The following HDAC4 variants were observed in gnomAD, a reference collection of about 807,000 sequenced individuals.
The protein encoded by HDAC4 is histone deacetylase 4, also known as histone deacetylase A.
In HDAC4, 16 loss-of-function variants were observed where a neutral mutation model predicts 135.1. The observed-to-expected ratio is 0.12, with a 90% CI of 0.08 to 0.18. HDAC4 has a LOEUF of 0.18. Among genes scored for constraint, HDAC4 ranks in the 10% least tolerant of loss-of-function variants. The pLI is 1.00. For synonymous variants in HDAC4, 685 were observed against 653.4 expected, an observed-to-expected ratio of 1.05 and a Z score of -0.74; for missense variants, 1,143 against 1,511.8, an observed-to-expected ratio of 0.76 and a Z score of 4.05.
In HDAC4 at chr2:239,048,665, C is replaced by A. The variant is rs2030347367; in HGVS notation, c.*4432G>T. On this transcript the variant is annotated 3_prime_UTR_variant, in exon 27 of 27. Coordinates refer to ENST00000543185, the MANE Select transcript of HDAC4 (RefSeq NM_001378414.1). ...TATGGAGCACACACGGCAAAAAAAA[C>A]AAACAAAAACTGTTCGCTTTCTTTT... 1 of 152,098 alleles carries A rather than the reference C, an allele frequency of 6.6e-6. No homozygotes were observed. Among genetic ancestry groups the A allele is most frequent in the Non-Finnish European group, 1.5e-5 (1 of 68,010 alleles). The allele number at this position is 152,098 out of a possible 1,614,324, so 9.4% of individuals were successfully genotyped here. A position where few individuals can be genotyped will look rare whatever the true frequency, so the allele number is the denominator to read the frequency against.
intron 1 of HDAC4, among the ~76,000 whole-genome samples, chr2:239,394,603 T>C (rs1256505662): frequency 6.6e-6 from 1 of 152,174 alleles, no homozygotes; most frequent in African/African-American, 2.4e-5. Flanking sequence ...ATTTATGACA[T>C]CTCCTTAGGA....
chr2:239,284,513 G>A (rs1181328401), intron 2 of HDAC4, among the ~76,000 whole-genome samples: 1 of 152,208 alleles, frequency 6.6e-6, no homozygotes, highest in Non-Finnish European at 1.5e-5. Flanking sequence ...GACCCTGAGA[G>A]CAGCTTCCAC....
intron 7 of HDAC4, among the ~76,000 whole-genome samples, chr2:239,149,457 AAC>A (rs2041972097): frequency 6.6e-6 from 1 of 152,192 alleles, no homozygotes; most frequent in Admixed American, 6.5e-5. Context: ...AATACATGAA[AAC>A]ACAGCATTGC....
chr2:239,214,845 G>A (rs2046539491), intron 3 of HDAC4, among the ~76,000 whole-genome samples: 1 of 152,252 alleles, frequency 6.6e-6, no homozygotes, highest in African/African-American at 2.4e-5. Context: ...GGCCATGCAT[G>A]GGACTGGAGA....
At chr2:239,220,139 G>A (rs536834010) in intron 3 of HDAC4, among the ~76,000 whole-genome samples, 40 of 152,268 alleles carry the variant, frequency 2.6e-4, no homozygotes, top group African/African-American at 9.4e-4. Flanking sequence ...CTAAACACTG[G>A]AACACACTGC....
intron 4 of HDAC4, among the ~76,000 whole-genome samples, chr2:239,186,285 C>G (rs775716916): frequency 6.6e-6 from 1 of 152,170 alleles, no homozygotes; most frequent in Non-Finnish European, 1.5e-5. Flanking sequence ...TTATAAAACT[C>G]TATTCAAATT....
intron 2 of HDAC4, among the ~76,000 whole-genome samples, chr2:239,348,192 C>G (rs1188425461): frequency 2.1e-5 from 3 of 145,194 alleles, no homozygotes; most frequent in African/African-American, 7.7e-5. Flanking sequence ...CACCATCCCG[C>G]TGACCACAGA....
Position 239,084,465 on chromosome 2 carries a change from GCACACA to G in HDAC4, c.2445-229_2445-224del, listed in dbSNP as rs78087978. On this transcript the variant is annotated intron_variant, in intron 19 of 26. Transcript: ENST00000543185. ...CAGACACACTCACACGCGTGCGCGC[GCACACA>G]CACACACACACACACACAGCTCCCA... is the stretch of plus-strand genomic sequence containing the variant. 8.3e-5 allele frequency among the ~76,000 whole-genome samples: 9 copies of G among 108,026 alleles called. No homozygotes were observed. The South Asian group carries it at 2.0e-3, about 24-fold the overall frequency. The allele number at this position is 108,026 out of a possible 152,430, so 70.9% of individuals were successfully genotyped here. A position where few individuals can be genotyped will look rare whatever the true frequency, so the allele number is the denominator to read the frequency against.
chr2:239,051,350 C>A lies in HDAC4; in HGVS notation c.*1747G>T, dbSNP rs1484915886. 1 of 152,098 alleles carries A rather than the reference C, an allele frequency of 6.6e-6. No homozygotes were observed. Among genetic ancestry groups the A allele is most frequent in the Non-Finnish European group, 1.5e-5 (1 of 68,018 alleles). The allele number at this position is 152,098 out of a possible 1,614,324, so 9.4% of individuals were successfully genotyped here. A position where few individuals can be genotyped will look rare whatever the true frequency, so the allele number is the denominator to read the frequency against. ...TTCTGAAAATAGAATCTGACAGCAA[C>A]AATTCTGTACGCTGCAGAAAACTCA... On this transcript the variant is annotated 3_prime_UTR_variant, in exon 27 of 27. Coordinates refer to ENST00000543185, the MANE Select transcript of HDAC4 (RefSeq NM_001378414.1).
At chr2:239,396,967 T>G (rs935608057) in intron 1 of HDAC4, among the ~76,000 whole-genome samples, 1 of 152,224 alleles carries the variant, frequency 6.6e-6, no homozygotes, top group African/African-American at 2.4e-5. Flanking sequence ...AAGAACATGA[T>G]GTCTTCTAGT....
intron 1 of HDAC4, among the ~76,000 whole-genome samples, chr2:239,381,447 A>G (rs1465262873): frequency 6.6e-6 from 1 of 152,218 alleles, no homozygotes; most frequent in African/African-American, 2.4e-5. Flanking sequence ...CGAAAAGGAG[A>G]GGAGAAAGGT....
At chr2:239,397,548 G>C (rs1696647613) in intron 1 of HDAC4, among the ~76,000 whole-genome samples, 1 of 152,158 alleles carries the variant, frequency 6.6e-6, no homozygotes, top group Non-Finnish European at 1.5e-5. Context: ...GCCACAGCAA[G>C]GGGACATGTA....
rs115889836 is a variant in HDAC4, at chr2:239,195,379, G to A, written c.95-5302C>T. 6.1e-3 allele frequency among the ~76,000 whole-genome samples: 922 copies of A among 152,306 alleles called. 5 individuals are homozygous for A. The highest frequency in any genetic ancestry group is 0.014 in the Middle Eastern group (4 of 294). ...TTGGATTCAATAACACAAATGGAGCGTTCACAGGGCAAGGAGACCCACCCC... is the reference window on the plus strand; with the variant it reads ...TTGGATTCAATAACACAAATGGAGCATTCACAGGGCAAGGAGACCCACCCC... On this transcript the variant is annotated intron_variant, in intron 3 of 26. Transcript: ENST00000543185.
At position 239,157,461 on chromosome 2, in the gene HDAC4, C is replaced by T. The variant is rs145610700; in HGVS notation, c.612-688G>A. Among the ~76,000 whole-genome samples, 5 of 152,324 alleles carry T rather than the reference C, an allele frequency of 3.3e-5. No homozygotes were observed. The East Asian group carries it at 9.7e-4, about 29-fold the overall frequency. On this transcript the variant is annotated intron_variant, in intron 6 of 26. Coordinates refer to ENST00000543185, the MANE Select transcript of HDAC4 (RefSeq NM_001378414.1). ...TGGGTACAACTCCACACCCTCCAGG[C>T]AGCAAGACAGGAATCGTCTGCCAGG... is the stretch of plus-strand genomic sequence containing the variant.
chr2:239,220,469 G>A (rs536503212), intron 3 of HDAC4, among the ~76,000 whole-genome samples: 15 of 152,284 alleles, frequency 9.9e-5, no homozygotes, highest in African/African-American at 3.1e-4. Flanking sequence ...AAAGAAATCT[G>A]ACAGATTGCG....
rs1323423738 is a variant in HDAC4, at chr2:239,052,727, ATTTG to A, written c.*366_*369del. 8 of 310,706 alleles carry A rather than the reference ATTTG, an allele frequency of 2.6e-5. No individual in the cohort carries two copies. Among genetic ancestry groups the A allele is most frequent in the Non-Finnish European group, 4.3e-5 (7 of 163,500 alleles). 19.2% of individuals were successfully genotyped at this position (310,706 alleles called of 1,614,324 possible). A position where few individuals can be genotyped will look rare whatever the true frequency, so the allele number is the denominator to read the frequency against. On this transcript the variant is annotated 3_prime_UTR_variant, in exon 27 of 27. Coordinates refer to ENST00000543185, the MANE Select transcript of HDAC4 (RefSeq NM_001378414.1). ...TGTTTTGTATTATTAGATCTTTGAT[ATTTG>A]TTTTCTGTGCCTCGTGTCAACTGAA... is the stretch of plus-strand genomic sequence containing the variant.
chr2:239,200,870 C>T (rs1379661869), intron 3 of HDAC4, among the ~76,000 whole-genome samples: 1 of 152,080 alleles, frequency 6.6e-6, no homozygotes, highest in Non-Finnish European at 1.5e-5. Context: ...CTGGATGGCA[C>T]TGCGCTTTAG....
At chr2:239,375,777 C>A (rs1694962401) in intron 1 of HDAC4, among the ~76,000 whole-genome samples, 1 of 152,186 alleles carries the variant, frequency 6.6e-6, no homozygotes, top group Non-Finnish European at 1.5e-5. Flanking sequence ...TCCTCCATGG[C>A]CCCCCAGGGG....
In HDAC4 at chr2:239,240,703, G is replaced by A. The variant is rs1218988097; in HGVS notation, c.23-4039C>T. ...GATGCACACTGAGAGGGAGGCCGAG[G>A]AGCACGGGTACCTCGTGTCCTCACC... On this transcript the variant is annotated intron_variant, in intron 2 of 26. Coordinates refer to ENST00000543185, the MANE Select transcript of HDAC4 (RefSeq NM_001378414.1). This position sits in a 1 kb window ranked among gnomAD's most constrained non-coding sequence, Gnocchi z 4.5. 1.3e-5 allele frequency among the ~76,000 whole-genome samples: 2 copies of A among 152,168 alleles called. No homozygotes were observed. Among genetic ancestry groups the A allele is most frequent in the East Asian group, 1.9e-4 (1 of 5,190 alleles).
Sources: allele counts gnomAD v4.1 joint callset (sites outside exome capture counted in the v4.1 genomes callset), GRCh38; gene constraint gnomAD v4.1.1; non-coding constraint Gnocchi (gnomAD v3.1); transcripts MANE v1.5; gene names NCBI Gene and HGNC (gene_info 2026-07-23, HGNC 2026-07-21).